Variants in UBAC2 observed in about 807,000 individuals in gnomAD.
The protein encoded by UBAC2 is UBA domain containing 2.
A neutral mutation model predicts 44.0 loss-of-function variants in UBAC2; 26 were observed. That is an observed-to-expected ratio of 0.59 (90% confidence interval 0.43 to 0.82). The LOEUF (loss-of-function observed/expected upper bound fraction) is 0.82, where lower values mean the gene tolerates loss of function less well. Among genes scored for constraint, UBAC2 ranks in the 40% least tolerant of loss-of-function variants. UBAC2 has a pLI of 0.00. For missense variants in UBAC2, 329 were observed against 419.4 expected (o/e 0.78, Z 1.88); for synonymous variants, 155 against 154.3 (o/e 1.00, Z -0.04).
At chr13:99,377,726 C>T (rs2045499349) in intron 8 of UBAC2, 1 of 152,250 alleles carries the variant, frequency 6.6e-6, no homozygotes, top group South Asian at 2.1e-4. Context: ...GGGCCCACCA[C>T]ACACCTGGCC....
At chr13:99,201,615 G>T in intron 1 of UBAC2, 1 of 1,604,266 alleles carries the variant, frequency 6.2e-7, no homozygotes, top group South Asian at 1.1e-5. Context: ...TTTTCTCACT[G>T]AGTGTGTGGA....
chr13:99,239,170 A>G (rs546372973), intron 2 of UBAC2, among the ~76,000 whole-genome samples: 2 of 152,368 alleles, frequency 1.3e-5, no homozygotes, highest in African/African-American at 4.8e-5. Flanking sequence ...TTTAAGCATA[A>G]TAATCCATTT....
chr13:99,378,730 G>A (rs1416189402), intron 8 of UBAC2, among the ~76,000 whole-genome samples: 1 of 152,216 alleles, frequency 6.6e-6, no homozygotes, highest in African/African-American at 2.4e-5. Flanking sequence ...GCATAGCTGT[G>A]TTCTCAGTCA....
chr13:99,292,356 A>T (rs1158089568), intron 4 of UBAC2, among the ~76,000 whole-genome samples: 2 of 150,802 alleles, frequency 1.3e-5, no homozygotes, highest in Non-Finnish European at 3.0e-5. Context: ...GTTAGCCAGG[A>T]TGGTCTCAAT....
chr13:99,327,768 A>T (rs561042677), intron 6 of UBAC2, among the ~76,000 whole-genome samples: 1 of 152,244 alleles, frequency 6.6e-6, no homozygotes, highest in African/African-American at 2.4e-5. Context: ...TATAAAATTT[A>T]AAAGATTTAT....
In UBAC2 at chr13:99,243,933, T is replaced by C. The variant is rs747377756; in HGVS notation, c.261T>C (p.Tyr87=). The C allele has an allele frequency of 1.3e-6, 2 of 1,539,892 alleles. No homozygotes were observed. Among genetic ancestry groups the C allele is most frequent in the Non-Finnish European group, 1.7e-6 (2 of 1,144,134 alleles). Residue 87 remains tyrosine, a synonymous_variant, in exon 3 of 9, where the codon TAT becomes TAC. Transcript: ENST00000403766. ...IYNFRIFERR[Y]GSRKFASFLL... is the part of the protein sequence containing the mutation. ...ATTTTAGGATATTTGAAAGAAGATA[T>C]GGAAGCAGAAAATTTGCAGTAAGTT...
At chr13:99,247,195 GTTTTTT>G (rs397947831) in intron 4 of UBAC2, among the ~76,000 whole-genome samples, 1 of 95,318 alleles carries the variant, frequency 1.0e-5, no homozygotes, top group African/African-American at 2.8e-5. Flanking sequence ...GAAAACTACT[GTTTTTT>G]TTTTTTTGTT....
intron 1 of UBAC2, 130 bp downstream of exon 1, chr13:99,201,069 C>T: frequency 7.5e-7 from 1 of 1,331,490 alleles, no homozygotes; most frequent in Non-Finnish European, 9.7e-7. Flanking sequence ...GACCCGCGTC[C>T]GAACCCTGCT....
chr13:99,314,388 C>A (rs1294513650), intron 5 of UBAC2, among the ~76,000 whole-genome samples, 168 bp downstream of exon 5: 1 of 149,572 alleles, frequency 6.7e-6, no homozygotes, highest in Non-Finnish European at 1.5e-5. Flanking sequence ...AGAACAAGAA[C>A]ATCAAGGTAT....
chr13:99,335,582 A>G (rs2044776823), intron 6 of UBAC2, among the ~76,000 whole-genome samples: 1 of 152,240 alleles, frequency 6.6e-6, no homozygotes. Context: ...ATTTTGCAGG[A>G]AGATGAGCGC....
At position 99,295,166 on chromosome 13, in the gene UBAC2, A is replaced by C. The variant is rs1437673718; in HGVS notation, c.390-18931A>C. On this transcript the variant is annotated intron_variant, in intron 4 of 8. Transcript: ENST00000403766. The surrounding 1 kb of genome is among the most constrained non-coding windows in gnomAD (Gnocchi z 4.1). ...CACAGCACTAGAAATCGATACACTG[A>C]CTTGCCGTTTCAGCATCCTCATAAC... 6.2e-7 allele frequency: 1 copy of C among 1,614,052 alleles called. No individual in the cohort carries two copies. Among genetic ancestry groups the C allele is most frequent in the Non-Finnish European group, 8.5e-7 (1 of 1,180,006 alleles).
At chr13:99,300,188 CATT>C (rs1400758098) in intron 4 of UBAC2, among the ~76,000 whole-genome samples, 1 of 152,236 alleles carries the variant, frequency 6.6e-6, no homozygotes, top group African/African-American at 2.4e-5. Context: ...GGCCACACAT[CATT>C]GAGCTCCAAG....
At chr13:99,343,161 G>C (rs2044918743) in intron 7 of UBAC2, among the ~76,000 whole-genome samples, 1 of 152,216 alleles carries the variant, frequency 6.6e-6, no homozygotes, top group African/African-American at 2.4e-5. Flanking sequence ...TCTGATGATG[G>C]GTTTCTGTCG....
intron 1 of UBAC2, among the ~76,000 whole-genome samples, chr13:99,202,138 G>T (rs2042811557): frequency 6.6e-6 from 1 of 151,068 alleles, no homozygotes; most frequent in African/African-American, 2.4e-5. Context: ...TGTGTGTCTC[G>T]TCTTATAGTC....
chr13:99,299,561 G>A (rs1348056602), intron 4 of UBAC2, among the ~76,000 whole-genome samples: 3 of 152,030 alleles, frequency 2.0e-5, no homozygotes, highest in South Asian at 2.1e-4. Context: ...AATGCTGAAC[G>A]TTTCTATTCA....
At chr13:99,270,744 G>C (rs1024212781) in intron 4 of UBAC2, among the ~76,000 whole-genome samples, 2 of 152,186 alleles carry the variant, frequency 1.3e-5, no homozygotes, top group African/African-American at 2.4e-5. Context: ...AGTACATTGC[G>C]TACTTTTATT....
chr13:99,349,677 C>G (rs2045049910), intron 7 of UBAC2, among the ~76,000 whole-genome samples: 1 of 152,216 alleles, frequency 6.6e-6, no homozygotes, highest in African/African-American at 2.4e-5. Context: ...CTTCTATGCA[C>G]TTATAAGAAA....
chr13:99,202,601 C>A (rs751209676), intron 1 of UBAC2, among the ~76,000 whole-genome samples: 101 of 152,184 alleles, frequency 6.6e-4, no homozygotes, highest in African/African-American at 2.2e-3. Flanking sequence ...AAATTTGATA[C>A]AGGGCAACTG....
chr13:99,331,655 C>G (rs150834755), intron 6 of UBAC2, among the ~76,000 whole-genome samples: 2 of 152,326 alleles, frequency 1.3e-5, no homozygotes, highest in Non-Finnish European at 2.9e-5. Context: ...GCACATGGTT[C>G]TGTCTGTCAT....
Sources: allele counts gnomAD v4.1 joint callset (sites outside exome capture counted in the v4.1 genomes callset), GRCh38; gene constraint gnomAD v4.1.1; non-coding constraint Gnocchi (gnomAD v3.1); transcripts MANE v1.5; gene names NCBI Gene and HGNC (gene_info 2026-07-23, HGNC 2026-07-21).